The following ANP32B variants were observed in gnomAD, a reference collection of about 807,000 sequenced individuals.
The protein encoded by ANP32B is acidic leucine-rich nuclear phosphoprotein 32 family member B.
ANP32B carries 6 observed loss-of-function variants against 32.2 expected under a neutral mutation model. That is an observed-to-expected ratio of 0.19 (90% confidence interval 0.10 to 0.37). ANP32B has a LOEUF of 0.37. Among genes scored for constraint, ANP32B ranks in the 10% least tolerant of loss-of-function variants. The pLI is 1.00. For synonymous variants in ANP32B, 98 were observed against 105.8 expected, an observed-to-expected ratio of 0.93 and a Z score of 0.45; for missense variants, 204 against 289.2, an observed-to-expected ratio of 0.71 and a Z score of 2.14.
intron 1 of ANP32B, among the ~76,000 whole-genome samples, chr9:97,989,692 G>A (rs1422177386): frequency 6.6e-6 from 1 of 152,146 alleles, no homozygotes; most frequent in East Asian, 1.9e-4. Flanking sequence ...CTTGACCCCA[G>A]CTCCACTCAC....
chr9:98,012,580 T>C (rs1251954082), intron 6 of ANP32B, 108 bp downstream of exon 6: 1 of 1,491,738 alleles, frequency 6.7e-7, no homozygotes, highest in East Asian at 2.4e-5. Flanking sequence ...CTCTTGGCTC[T>C]GGTGGTTTAC....
intron 1 of ANP32B, among the ~76,000 whole-genome samples, chr9:97,993,986 G>A (rs1225017897): frequency 6.6e-6 from 1 of 152,216 alleles, no homozygotes; most frequent in Non-Finnish European, 1.5e-5. Context: ...TGTGTAGCCT[G>A]AAAATGCAAT....
intron 1 of ANP32B, among the ~76,000 whole-genome samples, chr9:97,984,999 G>A (rs1370380960): frequency 6.6e-6 from 1 of 150,800 alleles, no homozygotes; most frequent in African/African-American, 2.4e-5. Flanking sequence ...CTGCGTGGGC[G>A]TGGGTCCGAC....
chr9:97,991,745 A>C (rs1827828390), intron 1 of ANP32B, among the ~76,000 whole-genome samples: 1 of 152,234 alleles, frequency 6.6e-6, no homozygotes, highest in South Asian at 2.1e-4. Context: ...CTGAAAACAC[A>C]GTCCTAAATA....
At chr9:97,995,733 C>T (rs1156373674) in intron 2 of ANP32B, among the ~76,000 whole-genome samples, 2 of 151,780 alleles carry the variant, frequency 1.3e-5, no homozygotes. Flanking sequence ...CCAGCCTGGC[C>T]AACATGGCAA....
chr9:97,998,515 G>C lies in ANP32B; in HGVS notation c.205-41G>C, dbSNP rs531779345. 3.8e-6 allele frequency: 6 copies of C among 1,560,984 alleles called. No homozygotes were observed. The African/African-American group carries it at 4.1e-5, about 11-fold the overall frequency. ...TACCTTAAATGATTTCTGTTTCTCT[G>C]TGTGTATTTGTGTTTGTGTTGTGTC... On this transcript the variant is annotated intron_variant, in intron 2 of 6. Coordinates refer to ENST00000339399, the MANE Select transcript of ANP32B (RefSeq NM_006401.3).
intron 4 of ANP32B, among the ~76,000 whole-genome samples, chr9:98,007,059 C>T (rs933237146): frequency 6.6e-6 from 1 of 151,900 alleles, no homozygotes; most frequent in African/African-American, 2.4e-5. Flanking sequence ...AAAAGACAAG[C>T]CTTTGGAGTT....
At chr9:98,013,561 AT>A (rs1828223522) in intron 6 of ANP32B, among the ~76,000 whole-genome samples, 1 of 152,212 alleles carries the variant, frequency 6.6e-6, no homozygotes, top group African/African-American at 2.4e-5. Flanking sequence ...TGTTGAAAGT[AT>A]GCCAGCCTGG....
At chr9:98,007,989 G>A (rs747068767) in intron 4 of ANP32B, among the ~76,000 whole-genome samples, 3 of 152,138 alleles carry the variant, frequency 2.0e-5, no homozygotes, top group African/African-American at 7.2e-5. Flanking sequence ...GAACATTTTA[G>A]TAACACAGAA....
intron 2 of ANP32B, among the ~76,000 whole-genome samples, chr9:97,995,732 C>T (rs919716674): frequency 4.6e-5 from 7 of 151,842 alleles, no homozygotes; most frequent in African/African-American, 1.7e-4. Context: ...ACCAGCCTGG[C>T]CAACATGGCA....
At chr9:98,000,921 CAA>C (rs543121018) in intron 3 of ANP32B, among the ~76,000 whole-genome samples, 197 of 93,898 alleles carry the variant, frequency 2.1e-3, no homozygotes, top group Middle Eastern at 7.2e-3. Context: ...GACTCCATCT[CAA>C]AAAAAAAAAA....
chr9:98,012,048 G>A (rs575981632), intron 5 of ANP32B, among the ~76,000 whole-genome samples: 1 of 152,188 alleles, frequency 6.6e-6, no homozygotes, highest in Middle Eastern at 3.2e-3. Context: ...ATGTCATTAG[G>A]TGTATGATTG....
chr9:98,004,349 G>A (rs1324609908), intron 3 of ANP32B, among the ~76,000 whole-genome samples: 1 of 152,180 alleles, frequency 6.6e-6, no homozygotes, highest in Non-Finnish European at 1.5e-5. Context: ...AGAGTGCAAT[G>A]TTTCTCCGTA....
At chr9:98,012,629 CTG>C (rs1828205701) in intron 6 of ANP32B, among the ~76,000 whole-genome samples, 157 bp downstream of exon 6, 2 of 152,332 alleles carry the variant, frequency 1.3e-5, no homozygotes, top group South Asian at 2.1e-4. Flanking sequence ...ATCAGTGTGT[CTG>C]TGCTGGTGCA....
intron 1 of ANP32B, among the ~76,000 whole-genome samples, chr9:97,991,610 CAG>C (rs962561238): frequency 3.5e-4 from 53 of 152,184 alleles, no homozygotes; most frequent in African/African-American, 1.2e-3. Flanking sequence ...TCAAATAAAT[CAG>C]AAAATAATTT....
chr9:98,009,080 C>T (rs1828136756), intron 4 of ANP32B, among the ~76,000 whole-genome samples: 3 of 152,144 alleles, frequency 2.0e-5, no homozygotes, highest in African/African-American at 4.8e-5. Context: ...ATAGCTTTCC[C>T]TTCCATTGAC....
intron 5 of ANP32B, among the ~76,000 whole-genome samples, chr9:98,012,215 A>C (rs1428904360): frequency 6.6e-6 from 1 of 152,182 alleles, no homozygotes; most frequent in African/African-American, 2.4e-5. Context: ...CTTCTAAAAA[A>C]AATTTTTCTT....
intron 6 of ANP32B, 147 bp from the exon 7 acceptor site, chr9:98,015,217 T>C (rs1019979625): frequency 8.6e-6 from 10 of 1,169,064 alleles, no homozygotes; most frequent in Non-Finnish European, 1.2e-5. Context: ...CACTTATACT[T>C]GCTATTAGTC....
intron 6 of ANP32B, among the ~76,000 whole-genome samples, chr9:98,013,538 A>G (rs1231492795): frequency 1.3e-5 from 2 of 152,170 alleles, no homozygotes; most frequent in Non-Finnish European, 2.9e-5. Context: ...AATAGCTGTT[A>G]CTTATTTAAT....
Sources: gnomAD v4.1 joint callset for allele counts (sites outside exome capture counted in the v4.1 genomes callset) on GRCh38, gnomAD v4.1.1 for gene constraint, MANE v1.5 for transcripts, NCBI Gene and HGNC (gene_info 2026-07-23, HGNC 2026-07-21) for gene names.